The following ELAVL4 variants were observed in gnomAD, a reference collection of about 807,000 sequenced individuals.
ELAVL4 encodes the protein ELAV like RNA binding protein 4.
A neutral mutation model predicts 35.6 loss-of-function variants in ELAVL4; 1 was observed. That is an observed-to-expected ratio of 0.03 (90% confidence interval 0.01 to 0.13). The LOEUF is 0.13. Among genes scored for constraint, ELAVL4 ranks in the 10% least tolerant of loss-of-function variants. ELAVL4 has a pLI of 1.00. For missense variants in ELAVL4, 267 were observed against 464.9 expected, an observed-to-expected ratio of 0.57 and a Z score of 3.91; for synonymous variants, 156 against 171.0, an observed-to-expected ratio of 0.91 and a Z score of 0.69.
At chr1:50,185,492 A>G (rs1681684797) in intron 3 of ELAVL4, among the ~76,000 whole-genome samples, 1 of 152,212 alleles carries the variant, frequency 6.6e-6, no homozygotes, top group Non-Finnish European at 1.5e-5. Flanking sequence ...AGTGTGCCAT[A>G]GTGGAAACAT....
At chr1:50,147,261 G>T (rs1673887206) in intron 2 of ELAVL4, among the ~76,000 whole-genome samples, 1 of 152,194 alleles carries the variant, frequency 6.6e-6, no homozygotes, top group African/African-American at 2.4e-5. Context: ...AGAGACCAGA[G>T]ATATTTGCCC....
chr1:50,143,473 G>T (rs1226561090), intron 1 of ELAVL4, among the ~76,000 whole-genome samples: 1 of 152,154 alleles, frequency 6.6e-6, no homozygotes, highest in East Asian at 1.9e-4. Context: ...ATCAGTGATT[G>T]TGGTTATGTG....
chr1:50,203,457 GC>G lies in ELAVL4; in HGVS notation c.*2280del, dbSNP rs1353767938. On this transcript the variant is annotated 3_prime_UTR_variant, in exon 7 of 7. Coordinates refer to ENST00000371824, the MANE Select transcript of ELAVL4 (RefSeq NM_001144774.3). ...AACACTCGTTCAACATTCAGGGAAA[GC>G]TTTTTACGTCACCTGCTATGAATGA... 1 of 151,940 alleles carries G rather than the reference GC, an allele frequency of 6.6e-6. No homozygotes were observed. Among genetic ancestry groups the G allele is most frequent in the East Asian group, 1.9e-4 (1 of 5,176 alleles). The allele number at this position is 151,940 out of a possible 1,614,324, so 9.4% of individuals were successfully genotyped here. A position where few individuals can be genotyped will look rare whatever the true frequency, so the allele number is the denominator to read the frequency against.
intron 1 of ELAVL4, among the ~76,000 whole-genome samples, chr1:50,062,109 T>G (rs961492017): frequency 1.3e-5 from 2 of 152,214 alleles, no homozygotes; most frequent in African/African-American, 4.8e-5. Context: ...CTGAAGTTCA[T>G]GTTCATCCAG....
intron 1 of ELAVL4, chr1:50,109,711 G>T (rs1666738396): frequency 1.8e-6 from 1 of 559,164 alleles, no homozygotes; most frequent in Non-Finnish European, 3.2e-6. Flanking sequence ...ACGGCAAAGA[G>T]AGTGATTTAT....
intron 1 of ELAVL4, among the ~76,000 whole-genome samples, chr1:50,133,638 A>AGAAG (rs1263388817): frequency 2.7e-5 from 4 of 149,226 alleles, no homozygotes; most frequent in Non-Finnish European, 5.9e-5. Flanking sequence ...AAAGAAAGAA[A>AGAAG]GAAAGAAAGA....
intron 1 of ELAVL4, among the ~76,000 whole-genome samples, chr1:50,133,255 C>T (rs934737519): frequency 7.2e-5 from 11 of 152,160 alleles, no homozygotes; most frequent in Non-Finnish European, 8.8e-5. Flanking sequence ...CCAATTTATC[C>T]TTATACCCAT....
At chr1:50,080,394 A>C (rs1664953255) in intron 1 of ELAVL4, among the ~76,000 whole-genome samples, 1 of 151,646 alleles carries the variant, frequency 6.6e-6, no homozygotes, top group Non-Finnish European at 1.5e-5. Context: ...TGGGAGTTCA[A>C]AGGTGTAATA....
chr1:50,155,919 A>C (rs1675646353), intron 2 of ELAVL4, among the ~76,000 whole-genome samples: 1 of 152,150 alleles, frequency 6.6e-6, no homozygotes, highest in Middle Eastern at 3.2e-3. Context: ...ATGGACACAG[A>C]TCACCCTCTA....
At chr1:50,104,527 A>G (rs1005201271), upstream of ELAVL4, among the ~76,000 whole-genome samples, 1 of 152,248 alleles carries the variant, frequency 6.6e-6, no homozygotes, top group Non-Finnish European at 1.5e-5. Context: ...GATGAAGGAC[A>G]TAGTCACTAT....
chr1:50,189,821 G>A (rs891851857), intron 3 of ELAVL4, among the ~76,000 whole-genome samples: 1 of 152,208 alleles, frequency 6.6e-6, no homozygotes, highest in African/African-American at 2.4e-5. Context: ...CTTTTTACGA[G>A]CAAAGATGTT....
chr1:50,053,112 A>G (rs1010740686), intron 1 of ELAVL4, among the ~76,000 whole-genome samples: 3 of 152,324 alleles, frequency 2.0e-5, no homozygotes, highest in East Asian at 3.9e-4. Context: ...GTTTCTTTTA[A>G]TAGAAATACT....
chr1:50,069,499 C>A (rs1390367534), intron 1 of ELAVL4, among the ~76,000 whole-genome samples: 2 of 152,096 alleles, frequency 1.3e-5, no homozygotes, highest in East Asian at 3.9e-4. Flanking sequence ...TCATTCATGG[C>A]TGAAAGGAAA....
intron 1 of ELAVL4, among the ~76,000 whole-genome samples, chr1:50,086,829 G>C: frequency 6.6e-6 from 1 of 151,994 alleles, no homozygotes; most frequent in Non-Finnish European, 1.5e-5. Flanking sequence ...AGGGGTGGTT[G>C]TGTATTATAT....
At chr1:50,187,024 G>A (rs532607975) in intron 3 of ELAVL4, among the ~76,000 whole-genome samples, 2 of 152,276 alleles carry the variant, frequency 1.3e-5, no homozygotes, top group East Asian at 1.9e-4. Flanking sequence ...TCCTAGAGGT[G>A]GGATTGTAGG....
intron 1 of ELAVL4, among the ~76,000 whole-genome samples, chr1:50,138,602 G>C (rs1189879345): frequency 6.6e-6 from 1 of 152,058 alleles, no homozygotes; most frequent in African/African-American, 2.4e-5. Flanking sequence ...TGGGATTACA[G>C]GCACAGGCAC....
intron 1 of ELAVL4, among the ~76,000 whole-genome samples, chr1:50,127,334 C>T (rs9436890): frequency 4.6e-5 from 7 of 151,978 alleles, no homozygotes; most frequent in Non-Finnish European, 1.0e-4. Flanking sequence ...AGGTAAAAAG[C>T]GACTCAATAT....
At chr1:50,113,728 T>C (rs1461952766) in intron 1 of ELAVL4, among the ~76,000 whole-genome samples, 1 of 152,128 alleles carries the variant, frequency 6.6e-6, no homozygotes, top group Non-Finnish European at 1.5e-5. Flanking sequence ...TGGTCAATTC[T>C]CCTTTTGAAA....
At chr1:50,058,786 T>C (rs960819760) in intron 1 of ELAVL4, among the ~76,000 whole-genome samples, 7 of 151,924 alleles carry the variant, frequency 4.6e-5, no homozygotes, top group Admixed American at 6.6e-5. Context: ...TATTTTTTTT[T>C]AGAGATGAGG....
Sources: gnomAD v4.1 joint callset for allele counts (sites outside exome capture counted in the v4.1 genomes callset) on GRCh38, gnomAD v4.1.1 for gene constraint, MANE v1.5 for transcripts, NCBI Gene and HGNC (gene_info 2026-07-23, HGNC 2026-07-21) for gene names.